The following NLGN4X variants were observed in gnomAD, a reference collection of about 807,000 sequenced individuals.
NLGN4X encodes the protein neuroligin-4, X-linked.
NLGN4X carries 3 observed loss-of-function variants against 40.3 expected under a neutral mutation model. The ratio of observed to expected loss-of-function variants is 0.07; its 90% CI spans 0.03 to 0.19. The LOEUF (loss-of-function observed/expected upper bound fraction) is 0.19, where lower values mean the gene tolerates loss of function less well. NLGN4X is among the 10% of genes least tolerant of loss of function. The pLI is 1.00. For missense variants in NLGN4X, 382 were observed against 708.3 expected (o/e 0.54, Z 5.23); for synonymous variants, 270 against 306.8 (o/e 0.88, Z 1.25).
At chrX:6,177,895 G>A (rs1385821478) in intron 1 of NLGN4X, among the ~76,000 whole-genome samples, 4 of 110,120 alleles carry the variant, frequency 3.6e-5, no homozygotes, top group East Asian at 2.9e-4. Context: ...GGAGCCTCAT[G>A]AATGGGATTA....
chrX:6,045,987 A>G (rs368617489), intron 2 of NLGN4X, among the ~76,000 whole-genome samples: 1 of 112,157 alleles, frequency 8.9e-6, no homozygotes, highest in African/African-American at 3.2e-5. Flanking sequence ...AGAATGAGTC[A>G]CTTATTATTT....
Position 5,932,134 on chromosome X carries a change from AC to A in NLGN4X, c.626-22896del, listed in dbSNP as rs748606091. ...GGCCACTATGGGCTTTTCCTGTTTCACCCCCTTCCCCTCCACACCCCCAGGA... is the reference window on the plus strand; with the variant it reads ...GGCCACTATGGGCTTTTCCTGTTTCACCCCTTCCCCTCCACACCCCCAGGA... On this transcript the variant is annotated intron_variant, in intron 3 of 5. Transcript: ENST00000381095. 3.6e-5 allele frequency among the ~76,000 whole-genome samples: 4 copies of A among 109,822 alleles called. No homozygotes were observed. In the East Asian group the frequency reaches 1.2e-3, roughly 32 times the overall value.
At chrX:6,053,419 G>A (rs758460857) in intron 2 of NLGN4X, among the ~76,000 whole-genome samples, 1 of 111,055 alleles carries the variant, frequency 9.0e-6, no homozygotes, top group African/African-American at 3.3e-5. Flanking sequence ...CGAGCATGCT[G>A]GCTCAGGGCA....
At chrX:6,201,175 G>T (rs748149574) in intron 1 of NLGN4X, among the ~76,000 whole-genome samples, 2 of 112,183 alleles carry the variant, frequency 1.8e-5, no homozygotes, top group South Asian at 3.7e-4. Context: ...TACAAACAAT[G>T]CATGTTAGAG....
intron 2 of NLGN4X, among the ~76,000 whole-genome samples, chrX:6,064,933 A>T (rs1216850161): frequency 1.8e-5 from 2 of 111,797 alleles, no homozygotes; most frequent in East Asian, 5.6e-4. Flanking sequence ...CTATATAGCC[A>T]TAAAAAGAAC....
At chrX:6,061,815 C>A (rs1290979692) in intron 2 of NLGN4X, 1 of 111,800 alleles carries the variant, frequency 8.9e-6, no homozygotes, top group Non-Finnish European at 1.9e-5. Flanking sequence ...TTTTTCCCCC[C>A]TTCACTTCCA....
chrX:6,077,618 T>C (rs192900562), intron 2 of NLGN4X, among the ~76,000 whole-genome samples: 460 of 111,208 alleles, frequency 4.1e-3, no homozygotes, highest in Middle Eastern at 9.2e-3. Flanking sequence ...ACACCAAAAT[T>C]ATCTCACTTT....
chrX:6,020,316 A>C (rs1313940824), intron 3 of NLGN4X, among the ~76,000 whole-genome samples: 1 of 112,199 alleles, frequency 8.9e-6, no homozygotes, highest in African/African-American at 3.2e-5. Context: ...TGGATGAACC[A>C]GAGGACATTA....
chrX:5,955,205 A>G (rs1287576525), intron 3 of NLGN4X, among the ~76,000 whole-genome samples: 1 of 111,756 alleles, frequency 8.9e-6, no homozygotes, highest in Non-Finnish European at 1.9e-5. Context: ...GAACAGCAAT[A>G]CACTTAGTAT....
intron 3 of NLGN4X, among the ~76,000 whole-genome samples, chrX:5,985,452 T>G (rs7885973): frequency 9.1e-6 from 1 of 109,530 alleles, no homozygotes; most frequent in Non-Finnish European, 1.9e-5. Context: ...TTATTTATTT[T>G]TTTTTATGTT....
intron 3 of NLGN4X, among the ~76,000 whole-genome samples, chrX:6,011,670 C>G (rs370782900): frequency 2.8e-3 from 305 of 110,845 alleles, no homozygotes; most frequent in African/African-American, 9.6e-3. Context: ...CCTACCACCG[C>G]CAGGGGTCAA....
chrX:6,121,916 A>G (rs1248829307), intron 2 of NLGN4X, among the ~76,000 whole-genome samples: 2 of 112,482 alleles, frequency 1.8e-5, no homozygotes, highest in African/African-American at 6.5e-5. Flanking sequence ...CCGAATGAAG[A>G]AGGTCACAGT....
chrX:6,096,793 A>T (rs2038787205), intron 2 of NLGN4X, among the ~76,000 whole-genome samples: 1 of 111,836 alleles, frequency 8.9e-6, no homozygotes, highest in Admixed American at 9.5e-5. Context: ...AGACAACATC[A>T]TTTGCGCCAG....
chrX:6,055,501 T>TG (rs764430967), intron 2 of NLGN4X, among the ~76,000 whole-genome samples: 3 of 110,896 alleles, frequency 2.7e-5, no homozygotes, highest in African/African-American at 6.6e-5. Flanking sequence ...GTGCTGGTTG[T>TG]GGGGGGGCTT....
At chrX:5,983,098 G>A (rs2035435801) in intron 3 of NLGN4X, among the ~76,000 whole-genome samples, 1 of 112,293 alleles carries the variant, frequency 8.9e-6, no homozygotes, top group South Asian at 3.7e-4. Context: ...CTACCTTCAT[G>A]GGTTTCACCC....
intron 2 of NLGN4X, among the ~76,000 whole-genome samples, chrX:6,134,048 C>T (rs763805484): frequency 9.0e-6 from 1 of 110,856 alleles, no homozygotes; most frequent in Non-Finnish European, 1.9e-5. Flanking sequence ...TTATGCTGTC[C>T]ACCCTTGCTT....
intron 2 of NLGN4X, among the ~76,000 whole-genome samples, chrX:6,109,302 T>G (rs1335451459): frequency 9.0e-6 from 1 of 111,361 alleles, no homozygotes; most frequent in Non-Finnish European, 1.9e-5. Flanking sequence ...TAATACCCTA[T>G]GTACTGCATT....
At chrX:6,206,750 C>T (rs370113213) in intron 1 of NLGN4X, among the ~76,000 whole-genome samples, 5 of 111,635 alleles carry the variant, frequency 4.5e-5, no homozygotes, top group South Asian at 3.8e-4. Flanking sequence ...ATGGTGGTTA[C>T]GACACCAGTT....
intron 3 of NLGN4X, among the ~76,000 whole-genome samples, chrX:6,000,259 G>C (rs2035938911): frequency 8.9e-6 from 1 of 112,222 alleles, no homozygotes; most frequent in African/African-American, 3.2e-5. Flanking sequence ...ACTGAAGATT[G>C]TGTTGACCAC....
Sources: allele counts gnomAD v4.1 joint callset (sites outside exome capture counted in the v4.1 genomes callset), GRCh38; gene constraint gnomAD v4.1.1; transcripts MANE v1.5; gene names NCBI Gene and HGNC (gene_info 2026-07-23, HGNC 2026-07-21).